Variants in LOC128462377 observed in about 807,000 individuals in gnomAD.
the LOC128462377 span, among the ~76,000 whole-genome samples, chr16:89,338,656 C>T: frequency 2.3e-5 from 3 of 132,554 alleles, no homozygotes; most frequent in African/African-American, 8.7e-5. Flanking sequence ...ACCTGGGAAG[C>T]TGAGGTTGCA....
chr16:89,355,743 G>A, the LOC128462377 span, among the ~76,000 whole-genome samples: 1 of 152,204 alleles, frequency 6.6e-6, no homozygotes, highest in Non-Finnish European at 1.5e-5. Flanking sequence ...CCCGTCGAGG[G>A]CAGGTCTTGT....
the LOC128462377 span, among the ~76,000 whole-genome samples, chr16:89,394,498 G>C: frequency 1.4e-4 from 22 of 152,074 alleles, no homozygotes; most frequent in Non-Finnish European, 2.4e-4. Context: ...CGTGGTGGCA[G>C]GCACCTGTAA....
the LOC128462377 span, among the ~76,000 whole-genome samples, chr16:89,364,150 C>A: frequency 6.6e-6 from 1 of 152,170 alleles, no homozygotes; most frequent in East Asian, 1.9e-4. Flanking sequence ...AGCCCTGGAG[C>A]CTGGGTGTAC....
chr16:89,393,110 A>T, the LOC128462377 span, among the ~76,000 whole-genome samples: 1 of 151,914 alleles, frequency 6.6e-6, no homozygotes, highest in Non-Finnish European at 1.5e-5. Flanking sequence ...CCTCTTCTTC[A>T]CCTGCATACC....
chr16:89,401,796 G>A, the LOC128462377 span, among the ~76,000 whole-genome samples: 4 of 152,144 alleles, frequency 2.6e-5, no homozygotes, highest in Non-Finnish European at 4.4e-5. Context: ...CAGGGAGAAC[G>A]CTGGGTGAAG....
chr16:89,381,354 A>AGTG, the LOC128462377 span, among the ~76,000 whole-genome samples: 27 of 125,346 alleles, frequency 2.2e-4, no homozygotes, highest in Non-Finnish European at 2.9e-4. Flanking sequence ...AAAAAAAAAA[A>AGTG]GGGGTGAGAA....
chr16:89,354,344 T>C, the LOC128462377 span, among the ~76,000 whole-genome samples: 19 of 151,746 alleles, frequency 1.3e-4, no homozygotes, highest in Admixed American at 1.1e-3. Context: ...TTTTTTGAAG[T>C]CTCAAAAATG....
the LOC128462377 span, among the ~76,000 whole-genome samples, chr16:89,340,820 G>A: frequency 2.0e-5 from 3 of 152,178 alleles, no homozygotes; most frequent in African/African-American, 7.2e-5. Context: ...AAAATGTACA[G>A]GTATGTGGAC....
At chr16:89,409,439 G>T in the LOC128462377 span, among the ~76,000 whole-genome samples, 57 of 152,308 alleles carry the variant, frequency 3.7e-4, no homozygotes, top group African/African-American at 1.3e-3. Flanking sequence ...CCTGTGGGTC[G>T]TCTTGTGCAC....
the LOC128462377 span, among the ~76,000 whole-genome samples, chr16:89,359,342 C>T: frequency 3.9e-5 from 6 of 152,166 alleles, no homozygotes; most frequent in African/African-American, 9.7e-5. Context: ...CTCAATCGCA[C>T]GTACAGCCCT....
the LOC128462377 span, among the ~76,000 whole-genome samples, chr16:89,417,916 C>A: frequency 6.6e-6 from 1 of 152,186 alleles, no homozygotes; most frequent in Non-Finnish European, 1.5e-5. Context: ...ACACAACATG[C>A]TCAGAGCACA....
chr16:89,414,955 C>A, the LOC128462377 span, among the ~76,000 whole-genome samples: 1 of 152,164 alleles, frequency 6.6e-6, no homozygotes, highest in African/African-American at 2.4e-5. Context: ...TCTTATTCTT[C>A]TTTATTTGGG....
the LOC128462377 span, among the ~76,000 whole-genome samples, chr16:89,383,014 G>A: frequency 8.5e-5 from 13 of 152,168 alleles, no homozygotes; most frequent in Non-Finnish European, 1.2e-4. Flanking sequence ...CTTGTAAAGC[G>A]TAACTTTTAA....
chr16:89,414,895 C>A, the LOC128462377 span, among the ~76,000 whole-genome samples: 4 of 152,206 alleles, frequency 2.6e-5, no homozygotes, highest in Admixed American at 6.6e-5. Flanking sequence ...AAGTGAAACA[C>A]GGGAATGACA....
chr16:89,340,725 T>C, the LOC128462377 span, among the ~76,000 whole-genome samples: 2 of 152,228 alleles, frequency 1.3e-5, no homozygotes, highest in African/African-American at 4.8e-5. Flanking sequence ...ACTCAAGTGC[T>C]AACAGGAGGC....
the LOC128462377 span, among the ~76,000 whole-genome samples, chr16:89,371,716 G>A: frequency 7.9e-5 from 12 of 152,160 alleles, no homozygotes; most frequent in South Asian, 6.2e-4. Context: ...AGGTGGTCTC[G>A]GGTGTGGAGG....
chr16:89,417,903 T>A, the LOC128462377 span, among the ~76,000 whole-genome samples: 1 of 151,912 alleles, frequency 6.6e-6, no homozygotes, highest in Admixed American at 6.5e-5. Flanking sequence ...ACGCAAACTG[T>A]TAACACAACA....
chr16:89,381,873 A>G, the LOC128462377 span, among the ~76,000 whole-genome samples: 2 of 152,246 alleles, frequency 1.3e-5, no homozygotes, highest in Non-Finnish European at 2.9e-5. Flanking sequence ...AGCCTCTGCC[A>G]CAGGCCACTC....
At chr16:89,374,057 G>C in the LOC128462377 span, among the ~76,000 whole-genome samples, 161 of 152,354 alleles carry the variant, frequency 1.1e-3, no homozygotes, top group African/African-American at 3.4e-3. Context: ...CAACACGCAA[G>C]TGTGAGGCCC....
Sources: allele counts gnomAD v4.1 joint callset (sites outside exome capture counted in the v4.1 genomes callset), GRCh38; gene constraint gnomAD v4.1.1; transcripts MANE v1.5.